Variants in PLCL2 observed in about 807,000 individuals in gnomAD.
PLCL2 encodes phospholipase C like 2, also known as inactive phospholipase C-like protein 2.
Under a neutral mutation model 79.6 loss-of-function variants are expected in PLCL2, and 4 were observed. That is an observed-to-expected ratio of 0.05 (90% CI 0.02 to 0.11). PLCL2 has a LOEUF of 0.11. Ranked by LOEUF, PLCL2 falls within the 10% of genes least tolerant of loss-of-function variation. The pLI, the probability that PLCL2 is intolerant of heterozygous loss-of-function variation, is 1.00. For synonymous variants in PLCL2, 484 were observed against 457.7 expected, an observed-to-expected ratio of 1.06 and a Z score of -0.73; for missense variants, 895 against 1,291.0, an observed-to-expected ratio of 0.69 and a Z score of 4.70.
At chr3:16,924,850 A>G (rs1023215288) in intron 1 of PLCL2, among the ~76,000 whole-genome samples, 1 of 152,078 alleles carries the variant, frequency 6.6e-6, no homozygotes, top group Non-Finnish European at 1.5e-5. Flanking sequence ...ATTAGAGTAT[A>G]CCTCTAGGTC....
intron 5 of PLCL2, among the ~76,000 whole-genome samples, chr3:17,071,219 G>T (rs2065057312): frequency 1.3e-5 from 2 of 152,170 alleles, no homozygotes; most frequent in South Asian, 4.1e-4. Context: ...GGCAAACTGG[G>T]ACCATTGATC....
intron 1 of PLCL2, among the ~76,000 whole-genome samples, chr3:16,986,231 T>C (rs1351258216): frequency 1.3e-5 from 2 of 152,042 alleles, no homozygotes; most frequent in African/African-American, 2.4e-5. Flanking sequence ...TTGTAGAAGG[T>C]AGAAGATAGT....
chr3:17,010,051 C>T lies in PLCL2; in HGVS notation c.705C>T (p.Ser235=), dbSNP rs148553225. 4.3e-5 allele frequency: 69 copies of T among 1,612,890 alleles called. No individual in the cohort carries two copies. The African/African-American group carries it at 5.1e-4, about 12-fold the overall frequency. The part of the protein sequence containing the change: ...NYESLDLVAN[S]ADVANIWVTG... ...AGTCACTGGATTTGGTTGCCAACTCCGCAGATGTTGCAAACATCTGGGTTA... is the reference window on the plus strand; with the variant it reads ...AGTCACTGGATTTGGTTGCCAACTCTGCAGATGTTGCAAACATCTGGGTTA... Residue 235 remains serine (S), a synonymous_variant, in exon 2 of 6, where the codon TCC becomes TCT. Transcript: ENST00000615277. This position sits in a 1 kb window ranked among gnomAD's most constrained non-coding sequence, Gnocchi z 5.8.
chr3:16,905,959 A>G (rs4685400), intron 1 of PLCL2, among the ~76,000 whole-genome samples: 93,024 of 151,952 alleles, frequency 0.61, 28,853 homozygotes, highest in African/African-American at 0.7. Flanking sequence ...GGCAAGAATA[A>G]TCCAGATCCA....
chr3:17,007,005 A>G (rs143905482), intron 1 of PLCL2, among the ~76,000 whole-genome samples: 46 of 152,368 alleles, frequency 3.0e-4, no homozygotes, highest in African/African-American at 1.0e-3. Context: ...GGAAAATACT[A>G]TATATTTCTT....
chr3:16,939,599 A>C (rs1485888598), intron 1 of PLCL2, among the ~76,000 whole-genome samples: 1 of 152,236 alleles, frequency 6.6e-6, no homozygotes, highest in Non-Finnish European at 1.5e-5. Context: ...CAGTGTATTA[A>C]AATTGGGTGA....
chr3:17,047,971 C>G (rs1291417956), intron 4 of PLCL2, among the ~76,000 whole-genome samples: 2 of 152,106 alleles, frequency 1.3e-5, no homozygotes, highest in Non-Finnish European at 2.9e-5. Flanking sequence ...TCCCCTGTGA[C>G]CAAGCGATTT....
chr3:17,043,285 G>A (rs2064745423), intron 4 of PLCL2, among the ~76,000 whole-genome samples: 1 of 152,166 alleles, frequency 6.6e-6, no homozygotes. Flanking sequence ...GCTCCTGCTG[G>A]TCACCCGTGA....
chr3:16,981,536 A>G (rs562323264), intron 1 of PLCL2, among the ~76,000 whole-genome samples: 8 of 152,292 alleles, frequency 5.3e-5, no homozygotes, highest in Non-Finnish European at 8.8e-5. Flanking sequence ...ATTTGGTTCA[A>G]TTGTAATTGT....
Position 16,885,187 on chromosome 3 carries a change from G to A in PLCL2, c.148G>A (p.Asp50Asn). Residue 50 changes from aspartate to asparagine, a missense_variant, in exon 1 of 6, where the codon GAC (aspartate) becomes AAC (asparagine). By Grantham distance (23) the Asp-to-Asn change is conservative. Coordinates refer to ENST00000615277, the MANE Select transcript of PLCL2 (RefSeq NM_001144382.2). ...CCTCGGCCACGGGCGGGCGCGCTAT[G>A]ACAGCGGCGGGGTTTCCAACGGAGA... ...GRLGHGRARYDSGGVSNGDCS... is the reference protein window; with the variant it reads ...GRLGHGRARYNSGGVSNGDCS... The A allele has an allele frequency of 1.6e-6, 1 of 606,844 alleles. No individual in the cohort carries two copies. The highest frequency in any genetic ancestry group is 3.0e-6 in the Non-Finnish European group (1 of 336,460). 37.6% of individuals were successfully genotyped at this position (606,844 alleles called of 1,614,324 possible).
intron 1 of PLCL2, among the ~76,000 whole-genome samples, chr3:16,971,075 C>G (rs1403657541): frequency 6.6e-6 from 1 of 151,560 alleles, no homozygotes; most frequent in Non-Finnish European, 1.5e-5. Flanking sequence ...AATTAGATCC[C>G]ATTTGTCAAT....
chr3:17,073,079 A>G (rs1264229201), intron 5 of PLCL2, among the ~76,000 whole-genome samples: 2 of 152,210 alleles, frequency 1.3e-5, no homozygotes, highest in East Asian at 3.9e-4. Context: ...TCCATTAGAT[A>G]GTCAGCATCA....
intron 1 of PLCL2, among the ~76,000 whole-genome samples, chr3:16,996,815 T>C (rs2064158370): frequency 1.3e-5 from 2 of 152,354 alleles, no homozygotes; most frequent in East Asian, 3.9e-4. Flanking sequence ...TATAGAATTG[T>C]AATTATTTGA....
At chr3:17,088,014 C>G (rs919596297) in intron 5 of PLCL2, among the ~76,000 whole-genome samples, 5 of 152,084 alleles carry the variant, frequency 3.3e-5, no homozygotes, top group African/African-American at 1.2e-4. Flanking sequence ...AGTTCAGTGA[C>G]TAGTAAGAAT....
intron 3 of PLCL2, among the ~76,000 whole-genome samples, chr3:17,022,491 A>G (rs2064466409): frequency 6.6e-6 from 1 of 152,166 alleles, no homozygotes; most frequent in African/African-American, 2.4e-5. Context: ...GGACCCTTAC[A>G]GGAAATTTAA....
At chr3:17,071,372 T>C (rs1312468431) in intron 5 of PLCL2, among the ~76,000 whole-genome samples, 2 of 152,124 alleles carry the variant, frequency 1.3e-5, no homozygotes, top group African/African-American at 4.8e-5. Context: ...AAAGAAGAAA[T>C]AAAGTCATCT....
chr3:16,947,339 C>A (rs981225796), intron 1 of PLCL2, among the ~76,000 whole-genome samples: 1 of 152,162 alleles, frequency 6.6e-6, no homozygotes, highest in African/African-American at 2.4e-5. Flanking sequence ...TTGTTAAACT[C>A]TTACAGTTGT....
At chr3:16,932,765 A>G (rs1697437418) in intron 1 of PLCL2, among the ~76,000 whole-genome samples, 1 of 152,226 alleles carries the variant, frequency 6.6e-6, no homozygotes, top group African/African-American at 2.4e-5. Context: ...TAAGGCATGA[A>G]TTACAACTTA....
At chr3:17,045,296 G>A (rs188208886) in intron 4 of PLCL2, among the ~76,000 whole-genome samples, 11 of 152,278 alleles carry the variant, frequency 7.2e-5, no homozygotes, top group African/African-American at 2.4e-4. Flanking sequence ...ATTTTTATTA[G>A]TTAAAACCTT....
Sources: allele counts gnomAD v4.1 joint callset (sites outside exome capture counted in the v4.1 genomes callset), GRCh38; gene constraint gnomAD v4.1.1; non-coding constraint Gnocchi (gnomAD v3.1); transcripts MANE v1.5; gene names NCBI Gene and HGNC (gene_info 2026-07-23, HGNC 2026-07-21).